NFIB: variants seen among roughly 807,000 people sequenced by gnomAD.
NFIB encodes the protein nuclear factor 1 B-type.
In NFIB, 11 loss-of-function variants were observed where a neutral mutation model predicts 61.5. The ratio of observed to expected loss-of-function variants is 0.18; its 90% CI spans 0.11 to 0.30. The LOEUF (loss-of-function observed/expected upper bound fraction) is 0.30, where lower values mean the gene tolerates loss of function less well. Among genes scored for constraint, NFIB ranks in the 10% least tolerant of loss-of-function variants. NFIB has a pLI of 1.00. For missense variants in NFIB, 471 were observed against 608.9 expected (o/e 0.77, Z 2.38); for synonymous variants, 260 against 216.5 (o/e 1.20, Z -1.76).
chr9:14,464,083 C>G, the NFIB span, among the ~76,000 whole-genome samples: 3 of 152,080 alleles, frequency 2.0e-5, no homozygotes, highest in African/African-American at 7.2e-5. Flanking sequence ...CCAGCCCTAC[C>G]GCTAGTGACT....
chr9:14,390,739 A>C (rs2061610016), intron 1 of NFIB, among the ~76,000 whole-genome samples: 1 of 152,212 alleles, frequency 6.6e-6, no homozygotes, highest in Admixed American at 6.5e-5. Context: ...TCTATGTGAG[A>C]ACACAGTGAG....
upstream of NFIB, among the ~76,000 whole-genome samples, chr9:14,401,290 A>G (rs1006557851): frequency 1.3e-5 from 2 of 152,128 alleles, no homozygotes; most frequent in Non-Finnish European, 2.9e-5. Flanking sequence ...ACTTTTGTCA[A>G]TCTCTCTTCT....
At chr9:14,283,828 A>G (rs2058538018) in intron 2 of NFIB, among the ~76,000 whole-genome samples, 1 of 152,256 alleles carries the variant, frequency 6.6e-6, no homozygotes, top group African/African-American at 2.4e-5. Context: ...CTAAGCAAGT[A>G]GAAAGAAGAA....
At chr9:14,472,624 G>A in the NFIB span, among the ~76,000 whole-genome samples, 2 of 152,080 alleles carry the variant, frequency 1.3e-5, no homozygotes, top group South Asian at 2.1e-4. Flanking sequence ...GGTGGATCAC[G>A]AGGTTAGGAG....
chr9:14,147,542 C>T (rs547915274), intron 5 of NFIB, among the ~76,000 whole-genome samples: 17 of 148,946 alleles, frequency 1.1e-4, no homozygotes, highest in African/African-American at 4.2e-4. Flanking sequence ...TTATTCTTTA[C>T]TTTTTCTTAA....
intron 7 of NFIB, among the ~76,000 whole-genome samples, chr9:14,123,400 T>G (rs982250138): frequency 6.6e-6 from 1 of 152,260 alleles, no homozygotes; most frequent in Admixed American, 6.5e-5. Flanking sequence ...TCCTTCAGTC[T>G]TGCTCCTTCC....
chr9:14,228,339 A>G (rs954516222), intron 2 of NFIB, among the ~76,000 whole-genome samples: 1 of 151,660 alleles, frequency 6.6e-6, no homozygotes, highest in African/African-American at 2.4e-5. Context: ...GGATTACAGG[A>G]GCACACCACC....
At chr9:14,219,401 A>AAAAC (rs1170330600) in intron 2 of NFIB, among the ~76,000 whole-genome samples, 1 of 151,152 alleles carries the variant, frequency 6.6e-6, no homozygotes, top group African/African-American at 2.4e-5. Flanking sequence ...AAAAAAAAAA[A>AAAAC]AAAGTCTAAG....
At chr9:14,112,103 C>A (rs1403565119) in intron 10 of NFIB, among the ~76,000 whole-genome samples, 2 of 152,162 alleles carry the variant, frequency 1.3e-5, no homozygotes, top group Non-Finnish European at 2.9e-5. Context: ...TTAACACCAG[C>A]TCTTTATTAT....
intron 2 of NFIB, among the ~76,000 whole-genome samples, chr9:14,296,357 T>C (rs975440661): frequency 3.3e-5 from 5 of 152,248 alleles, no homozygotes; most frequent in African/African-American, 1.2e-4. Flanking sequence ...CTGAAGTGAC[T>C]TGACCAAGGT....
chr9:14,491,732 T>C, the NFIB span, among the ~76,000 whole-genome samples: 1 of 152,292 alleles, frequency 6.6e-6, no homozygotes, highest in East Asian at 1.9e-4. Context: ...AATTATAAAT[T>C]CAAAGCCTCC....
the NFIB span, among the ~76,000 whole-genome samples, chr9:14,526,278 T>C: frequency 6.6e-6 from 1 of 152,124 alleles, no homozygotes. Context: ...GAAATGGAAA[T>C]TGTTATTAAA....
At chr9:14,228,365 T>G (rs942304245) in intron 2 of NFIB, among the ~76,000 whole-genome samples, 5 of 151,978 alleles carry the variant, frequency 3.3e-5, no homozygotes, top group African/African-American at 1.2e-4. Context: ...TGGCTAATTT[T>G]TTGCATGTTT....
rs576986617 is a variant in NFIB, at chr9:14,084,702, T to C, written c.*3607A>G. 26 of 229,866 alleles carry C rather than the reference T, an allele frequency of 1.1e-4. No homozygotes were observed. The South Asian group carries it at 4.4e-3, about 39-fold the overall frequency. 14.2% of individuals were successfully genotyped at this position (229,866 alleles called of 1,614,324 possible). On this transcript the variant is annotated 3_prime_UTR_variant, in exon 11 of 11. Transcript: ENST00000380953. ...CCTTCGCCATCCTGAAGCTCTGCAG[T>C]TCTGGGTAAGGGAGGGGCGTGCAAG...
the NFIB span, among the ~76,000 whole-genome samples, chr9:14,480,277 C>G: frequency 6.6e-6 from 1 of 152,100 alleles, no homozygotes; most frequent in South Asian, 2.1e-4. Context: ...GAATTTGAAT[C>G]TAACACTTCT....
At position 14,313,866 on chromosome 9, in the gene NFIB, G is replaced by C; in HGVS notation, c.-355C>G. On this transcript the variant is annotated 5_prime_UTR_variant, in exon 1 of 11. Transcript: ENST00000380953. The surrounding 1 kb of genome is among the most constrained non-coding windows in gnomAD (Gnocchi z 4.5). ...TATTTTGCAGTTGTTGTTGTTGTTG[G>C]GGTGTAGGGGGTGCGCGAAGGTTCG... 1 of 1,134,302 alleles carries C rather than the reference G, an allele frequency of 8.8e-7. No homozygotes were observed. The highest frequency in any genetic ancestry group is 4.5e-5 in the East Asian group (1 of 22,254). The allele number at this position is 1,134,302 out of a possible 1,614,324, so 70.3% of individuals were successfully genotyped here.
intron 7 of NFIB, 129 bp downstream of exon 7, chr9:14,125,503 G>T: frequency 7.9e-7 from 1 of 1,262,468 alleles, no homozygotes; most frequent in Non-Finnish European, 1.1e-6. Context: ...ATCGGATTGT[G>T]CCCCTCACCA....
intron 2 of NFIB, among the ~76,000 whole-genome samples, chr9:14,191,676 C>G (rs2047964058): frequency 6.6e-6 from 1 of 151,886 alleles, no homozygotes. Flanking sequence ...CATCCATATG[C>G]CTTAACCCTG....
intron 6 of NFIB, among the ~76,000 whole-genome samples, chr9:14,129,229 C>T (rs1012818327): frequency 6.6e-6 from 1 of 151,986 alleles, no homozygotes; most frequent in Non-Finnish European, 1.5e-5. Context: ...GCTTTAGAGA[C>T]AGGTGAAGAA....
Sources: gnomAD v4.1 joint callset for allele counts (sites outside exome capture counted in the v4.1 genomes callset) on GRCh38, gnomAD v4.1.1 for gene constraint, Gnocchi (gnomAD v3.1) non-coding constraint, MANE v1.5 for transcripts, NCBI Gene and HGNC (gene_info 2026-07-23, HGNC 2026-07-21) for gene names.